The following GPC5 variants were observed in gnomAD, a reference collection of about 807,000 sequenced individuals.
GPC5 encodes the protein glypican-5.
A neutral mutation model predicts 53.9 loss-of-function variants in GPC5; 47 were observed. The observed-to-expected ratio is 0.87, with a 90% confidence interval of 0.69 to 1.11. The LOEUF (loss-of-function observed/expected upper bound fraction) is 1.11. Among genes scored for constraint, GPC5 ranks in the 50% most tolerant of loss-of-function variants. The pLI is 0.00. For synonymous variants in GPC5, 286 were observed against 263.3 expected (o/e 1.09, Z -0.84); for missense variants, 748 against 713.1 (o/e 1.05, Z -0.56).
chr13:92,793,273 T>C (rs1337709609), intron 7 of GPC5, among the ~76,000 whole-genome samples: 1 of 152,060 alleles, frequency 6.6e-6, no homozygotes. Context: ...AACCACCTGC[T>C]CCTGAATGAC....
At chr13:91,766,393 C>G (rs568705881) in intron 5 of GPC5, among the ~76,000 whole-genome samples, 44 of 152,168 alleles carry the variant, frequency 2.9e-4, no homozygotes, top group Non-Finnish European at 4.1e-4. Flanking sequence ...GTATTAGAAG[C>G]CTTCTCTCAT....
intron 7 of GPC5, among the ~76,000 whole-genome samples, chr13:92,277,522 C>T (rs533173391): frequency 8.5e-5 from 13 of 152,078 alleles, no homozygotes; most frequent in East Asian, 3.9e-4. Flanking sequence ...GTGCAGAAAA[C>T]ATCTCAAGTT....
intron 7 of GPC5, among the ~76,000 whole-genome samples, chr13:92,834,298 T>G (rs1441641873): frequency 1.3e-5 from 2 of 152,142 alleles, no homozygotes; most frequent in African/African-American, 4.8e-5. Flanking sequence ...CTTTGCATAT[T>G]TTACTCCAAC....
chr13:92,547,324 A>C (rs1413647486), intron 7 of GPC5, among the ~76,000 whole-genome samples: 1 of 152,204 alleles, frequency 6.6e-6, no homozygotes, highest in Non-Finnish European at 1.5e-5. Context: ...TTTAGAGAAA[A>C]AATTAACTGC....
At chr13:92,416,551 C>T (rs1876301675) in intron 7 of GPC5, among the ~76,000 whole-genome samples, 1 of 152,132 alleles carries the variant, frequency 6.6e-6, no homozygotes, top group Non-Finnish European at 1.5e-5. Flanking sequence ...CCCTACATCA[C>T]ACCATATACG....
chr13:92,251,467 C>T (rs374391793), intron 7 of GPC5, among the ~76,000 whole-genome samples: 1 of 152,058 alleles, frequency 6.6e-6, no homozygotes, highest in Non-Finnish European at 1.5e-5. Flanking sequence ...GCTGTCTTCA[C>T]TCTCAATATC....
At chr13:92,527,172 G>GAAAGA (rs1472056609) in intron 7 of GPC5, among the ~76,000 whole-genome samples, 14 of 60,944 alleles carry the variant, frequency 2.3e-4, no homozygotes, top group African/African-American at 2.4e-4. Context: ...AAGAAAGAAA[G>GAAAGA]AGAAAGAAAG....
At chr13:91,465,276 T>C (rs1357767699) in intron 2 of GPC5, among the ~76,000 whole-genome samples, 1 of 152,196 alleles carries the variant, frequency 6.6e-6, no homozygotes, top group Non-Finnish European at 1.5e-5. Flanking sequence ...GTGGGCCTTC[T>C]GTGAATTTTG....
rs895760644 is a variant in GPC5 at position 91,449,267 on chromosome 13, A to G, written c.325+345A>G. 7.9e-5 allele frequency among the ~76,000 whole-genome samples: 12 copies of G among 152,326 alleles called. No homozygotes were observed. In the South Asian group the frequency reaches 8.3e-4, roughly 11 times the overall value. ...TTATTAGATTTCATGGAAAAGTTCTATAACATAAAATCTCATTGCTTTTTA... is the reference window on the plus strand; with the variant it reads ...TTATTAGATTTCATGGAAAAGTTCTGTAACATAAAATCTCATTGCTTTTTA... On this transcript the variant is annotated intron_variant, in intron 2 of 7. Coordinates refer to ENST00000377067, the MANE Select transcript of GPC5 (RefSeq NM_004466.6).
intron 7 of GPC5, among the ~76,000 whole-genome samples, chr13:92,317,649 A>AT (rs2043188322): frequency 7.3e-6 from 1 of 136,094 alleles, no homozygotes; most frequent in African/African-American, 3.2e-5. Context: ...ATGCACAATC[A>AT]TGTCTGCTAA....
intron 5 of GPC5, among the ~76,000 whole-genome samples, chr13:91,834,478 C>A (rs1175333204): frequency 6.6e-6 from 1 of 152,136 alleles, no homozygotes; most frequent in Non-Finnish European, 1.5e-5. Context: ...AGGCATCACA[C>A]TACCTGACTT....
At chr13:91,913,718 A>T (rs1377107579) in intron 6 of GPC5, among the ~76,000 whole-genome samples, 1 of 152,118 alleles carries the variant, frequency 6.6e-6, no homozygotes, top group African/African-American at 2.4e-5. Flanking sequence ...TGTGACTCTG[A>T]CATCTTTCTC....
rs544017107 is a variant in GPC5, at chr13:91,896,367, C to T, written c.1281-11570C>T. The stretch of plus-strand genomic sequence containing the variant: ...ATCTCCTGACCTCGTTATCCAGCCA[C>T]CTCCGCCTCCCAAAGTGTTGGGATT... On this transcript the variant is annotated intron_variant, in intron 5 of 7. Transcript: ENST00000377067. 3.2e-4 allele frequency among the ~76,000 whole-genome samples: 48 copies of T among 152,210 alleles called. No homozygotes were observed. The South Asian group carries it at 1.0e-2, about 32-fold the overall frequency.
chr13:92,362,982 C>T (rs77863504), intron 7 of GPC5, among the ~76,000 whole-genome samples: 2 of 151,572 alleles, frequency 1.3e-5, no homozygotes, highest in South Asian at 2.1e-4. Context: ...GACAGTCTTG[C>T]AGAGTTGAGG....
chr13:92,115,182 C>T (rs1438889595), intron 6 of GPC5, among the ~76,000 whole-genome samples: 1 of 152,140 alleles, frequency 6.6e-6, no homozygotes, highest in Non-Finnish European at 1.5e-5. Flanking sequence ...TGGATAAATG[C>T]ATAGTCATGT....
intron 4 of GPC5, among the ~76,000 whole-genome samples, chr13:91,735,467 T>C (rs1474915193): frequency 6.6e-6 from 1 of 151,358 alleles, no homozygotes; most frequent in East Asian, 1.9e-4. Context: ...TTATTGCAAT[T>C]GCTTTTGCTT....
chr13:92,776,938 T>C (rs1258554838), intron 7 of GPC5, among the ~76,000 whole-genome samples: 1 of 147,838 alleles, frequency 6.8e-6, no homozygotes, highest in Non-Finnish European at 1.5e-5. Flanking sequence ...CAGGAGGATA[T>C]GTTGAGCCCA....
chr13:92,655,983 C>A (rs1886121134), intron 7 of GPC5, among the ~76,000 whole-genome samples: 1 of 151,996 alleles, frequency 6.6e-6, no homozygotes, highest in Non-Finnish European at 1.5e-5. Flanking sequence ...TTGAATAAGA[C>A]AATTTCCCTG....
chr13:92,191,370 A>G (rs1256974582), intron 7 of GPC5, among the ~76,000 whole-genome samples: 1 of 152,178 alleles, frequency 6.6e-6, no homozygotes, highest in Non-Finnish European at 1.5e-5. Context: ...CACAACACTG[A>G]CACCACCAAA....
Sources: allele counts gnomAD v4.1 joint callset (sites outside exome capture counted in the v4.1 genomes callset), GRCh38; gene constraint gnomAD v4.1.1; transcripts MANE v1.5; gene names NCBI Gene and HGNC (gene_info 2026-07-23, HGNC 2026-07-21).